Variants in KLF11 observed in about 807,000 individuals in gnomAD.
KLF11 encodes the protein Krueppel-like factor 11.
In KLF11, 26 loss-of-function variants were observed where a neutral mutation model predicts 29.9. The observed-to-expected ratio is 0.87, with a 90% CI of 0.64 to 1.21. The LOEUF (loss-of-function observed/expected upper bound fraction) is 1.21, where lower values mean the gene tolerates loss of function less well. KLF11 is among the 50% of genes most tolerant of loss of function. The probability of loss-of-function intolerance (pLI) is 0.00; values close to 1 mark genes in which losing one functional copy is unlikely to be tolerated. For missense variants in KLF11, 778 were observed against 665.7 expected (o/e 1.17, Z -1.86); for synonymous variants, 318 against 257.4 (o/e 1.24, Z -2.25).
chr2:10,050,251 AC>A (rs1270915174), intron 3 of KLF11, among the ~76,000 whole-genome samples: 1 of 151,916 alleles, frequency 6.6e-6, no homozygotes, highest in Non-Finnish European at 1.5e-5. Flanking sequence ...TACTAAAAAT[AC>A]AAAAATTAGC....
chr2:10,043,553 G>A lies in KLF11; in HGVS notation c.-164G>A. ...GCGGCCGCCCCGCCCCTCCCGCGCC[G>A]CGAGGGCCGCGCCGGGGCAGAGCCG... On this transcript the variant is annotated 5_prime_UTR_variant, in exon 1 of 4. Coordinates refer to ENST00000305883, the MANE Select transcript of KLF11 (RefSeq NM_003597.5). 1 of 294,774 alleles carries A rather than the reference G, an allele frequency of 3.4e-6. No homozygotes were observed. Among genetic ancestry groups the A allele is most frequent in the Non-Finnish European group, 5.0e-6 (1 of 201,932 alleles). The allele number at this position is 294,774 out of a possible 1,614,324, so 18.3% of individuals were successfully genotyped here.
chr2:10,046,810 G>A (rs1174108914), intron 2 of KLF11, among the ~76,000 whole-genome samples: 9 of 152,112 alleles, frequency 5.9e-5, no homozygotes, highest in South Asian at 2.1e-4. Flanking sequence ...AGCCGAGATC[G>A]TGCCACTGCA....
chr2:10,044,063 G>A, intron 1 of KLF11: 1 of 713,106 alleles, frequency 1.4e-6, no homozygotes, highest in Non-Finnish European at 1.7e-6. Flanking sequence ...CCCCGGTCCT[G>A]TGAGCCGGAC....
chr2:10,044,215 C>T (rs1343098645), intron 1 of KLF11: 3 of 911,654 alleles, frequency 3.3e-6, no homozygotes, highest in African/African-American at 2.6e-5. Flanking sequence ...AGCGGTAGTG[C>T]CGCTCGGGCC....
At chr2:10,043,993 T>C (rs1219339077) in intron 1 of KLF11, 1 of 819,550 alleles carries the variant, frequency 1.2e-6, no homozygotes, top group Non-Finnish European at 1.5e-6. Flanking sequence ...CAGCTTTGTC[T>C]TGCGCTTCCT....
At chr2:10,046,758 G>A (rs552088300) in intron 2 of KLF11, among the ~76,000 whole-genome samples, 44 of 152,286 alleles carry the variant, frequency 2.9e-4, no homozygotes, top group African/African-American at 1.1e-3. Context: ...AGGAGTCTGA[G>A]GTAGGAGAAT....
intron 3 of KLF11, among the ~76,000 whole-genome samples, chr2:10,050,548 A>G (rs1362567807): frequency 1.3e-5 from 2 of 152,046 alleles, no homozygotes; most frequent in Admixed American, 1.3e-4. Flanking sequence ...CGTCTCTACT[A>G]AAAATACAAA....
Position 10,048,380 on chromosome 2 carries a change from T to G in KLF11, c.1043T>G (p.Leu348Arg). ...AVMLVLPQGA[L>R]PPPAPCAANV... ...ATGTTGGTCCTGCCCCAGGGAGCCCTCCCTCCGCCTGCCCCCTGTGCAGCC... is the reference window on the plus strand; with the variant it reads ...ATGTTGGTCCTGCCCCAGGGAGCCCGCCCTCCGCCTGCCCCCTGTGCAGCC... The change falls in exon 3 of 4, where the codon CTC becomes CGC. Residue 348 changes from leucine (L) to arginine (R), a missense_variant. By Grantham distance (102) the Leu-to-Arg change is moderately radical. Transcript: ENST00000305883. 1.9e-6 allele frequency: 3 copies of G among 1,612,800 alleles called. No homozygotes were observed. Among genetic ancestry groups the G allele is most frequent in the Non-Finnish European group, 2.5e-6 (3 of 1,178,918 alleles).
chr2:10,047,586 T>C (rs1661248759), intron 2 of KLF11, 64 bp from the exon 3 acceptor site: 1 of 1,295,372 alleles, frequency 7.7e-7, no homozygotes, highest in African/African-American at 1.5e-5. Flanking sequence ...TTGGGAGCAT[T>C]GTGATGAATT....
chr2:10,051,957 G>A (rs982123051), intron 3 of KLF11, among the ~76,000 whole-genome samples: 36 of 152,178 alleles, frequency 2.4e-4, no homozygotes, highest in Admixed American at 2.0e-4. Flanking sequence ...GGTTTGAGCC[G>A]CTGTACTTGT....
chr2:10,047,528 G>A (rs1572439435), intron 2 of KLF11, 122 bp from the exon 3 acceptor site: 1 of 884,596 alleles, frequency 1.1e-6, no homozygotes, highest in East Asian at 2.6e-5. Flanking sequence ...CCACTGGGAT[G>A]TTGAAAACAG....
intron 3 of KLF11, among the ~76,000 whole-genome samples, chr2:10,049,255 T>C (rs1022188941): frequency 1.3e-5 from 2 of 152,236 alleles, no homozygotes; most frequent in African/African-American, 4.8e-5. Flanking sequence ...CCTGAGGAAC[T>C]GAATTTTACA....
Position 10,052,361 on chromosome 2 carries a change from C to T in KLF11, c.1393C>T (p.Arg465Cys), listed in dbSNP as rs200532025. ...VCPVCDRRFM[R>C]SDHLTKHARR... ...CCCGGTGTGTGACCGACGTTTCATG[C>T]GCAGTGACCACCTGACGAAGCATGC... Residue 465 changes from arginine to cysteine, a missense_variant, in exon 4 of 4, where the codon CGC becomes TGC. Arg to Cys is a radical substitution (Grantham distance 180, BLOSUM62 -3). Coordinates refer to ENST00000305883, the MANE Select transcript of KLF11 (RefSeq NM_003597.5). 24 of 1,613,956 alleles carry T rather than the reference C, an allele frequency of 1.5e-5. No homozygotes were observed. Among genetic ancestry groups the T allele is most frequent in the Admixed American group, 3.3e-5 (2 of 59,992 alleles).
Position 10,048,134 on chromosome 2 carries a change from A to G in KLF11, c.797A>G (p.Asn266Ser). The stretch of plus-strand genomic sequence containing the variant: ...ACTTGCTCACCAAAGAATTATGAAA[A>G]TGACCTGCCCAGGAAAACCACCCCT... ...VQTCSPKNYE[N>S]DLPRKTTPLI... The change falls in exon 3 of 4, where the codon AAT becomes AGT. Residue 266 changes from asparagine to serine, a missense_variant. Transcript: ENST00000305883. 1 of 1,614,184 alleles carries G rather than the reference A, an allele frequency of 6.2e-7. No individual in the cohort carries two copies. Among genetic ancestry groups the G allele is most frequent in the Non-Finnish European group, 8.5e-7 (1 of 1,180,026 alleles).
chr2:10,048,181 G>A lies in KLF11; in HGVS notation c.844G>A (p.Ala282Thr). 1 of 1,614,202 alleles carries A rather than the reference G, an allele frequency of 6.2e-7. No individual in the cohort carries two copies. Among genetic ancestry groups the A allele is most frequent in the Non-Finnish European group, 8.5e-7 (1 of 1,180,038 alleles). ...TTPLISVSVP[A>T]PPVLCQMIPV... The stretch of plus-strand genomic sequence containing the variant: ...CCCTCTGATTTCTGTCTCTGTCCCT[G>A]CTCCCCCTGTCCTTTGCCAGATGAT... Residue 282 changes from alanine to threonine, a missense_variant, in exon 3 of 4, where the codon GCT becomes ACT. Transcript: ENST00000305883.
At position 10,053,100 on chromosome 2, in the gene KLF11, T is replaced by C; in HGVS notation, c.*593T>C. ...GTAAGGACCTCTTAAAAGGGAAAAA[T>C]AAATTTTGCCGTCAGCTTCTTCATA... On this transcript the variant is annotated 3_prime_UTR_variant, in exon 4 of 4. Coordinates refer to ENST00000305883, the MANE Select transcript of KLF11 (RefSeq NM_003597.5). 1 of 397,178 alleles carries C rather than the reference T, an allele frequency of 2.5e-6. No individual in the cohort carries two copies. 24.6% of individuals were successfully genotyped at this position (397,178 alleles called of 1,614,324 possible).
rs183232432 is a variant in KLF11, at chr2:10,052,918, C to T, written c.*411C>T. On this transcript the variant is annotated 3_prime_UTR_variant, in exon 4 of 4. Coordinates refer to ENST00000305883, the MANE Select transcript of KLF11 (RefSeq NM_003597.5). ...TTTATATTGTTGGTGCTCAAATCAC[C>T]AATTTCTAGCTAGATCATTTTGCAG... The T allele has an allele frequency of 8.0e-5, 26 of 324,838 alleles. No homozygotes were observed. Among genetic ancestry groups the T allele is most frequent in the African/African-American group, 5.1e-4 (24 of 47,092 alleles). The allele number at this position is 324,838 out of a possible 1,614,324, so 20.1% of individuals were successfully genotyped here. A position where few individuals can be genotyped will look rare whatever the true frequency, so the allele number is the denominator to read the frequency against.
rs149277115 is a variant in KLF11 at position 10,045,164 on chromosome 2, G to A, written c.43-986G>A. ...CTGTCTCAAAAAAACAAGGCCGGGC[G>A]CCTGTAATCCCAGCACTTGGGGAGG... On this transcript the variant is annotated intron_variant, in intron 1 of 3. Coordinates refer to ENST00000305883, the MANE Select transcript of KLF11 (RefSeq NM_003597.5). 6.5e-3 allele frequency among the ~76,000 whole-genome samples: 984 copies of A among 150,612 alleles called. 5 individuals are homozygous for A. Among genetic ancestry groups the A allele is most frequent in the Non-Finnish European group, 0.01 (701 of 67,666 alleles).
chr2:10,048,144 C>T lies in KLF11; in HGVS notation c.807C>T (p.Pro269=). Residue 269 remains proline, a synonymous_variant, in exon 3 of 4, where the codon CCC becomes CCT. Transcript: ENST00000305883. ...CAAAGAATTATGAAAATGACCTGCC[C>T]AGGAAAACCACCCCTCTGATTTCTG... The part of the protein sequence containing the change: ...CSPKNYENDL[P]RKTTPLISVS... The T allele has an allele frequency of 2.5e-6, 4 of 1,614,216 alleles. No individual in the cohort carries two copies. Among genetic ancestry groups the T allele is most frequent in the Non-Finnish European group, 3.4e-6 (4 of 1,180,028 alleles).
Sources: gnomAD v4.1 joint callset for allele counts (sites outside exome capture counted in the v4.1 genomes callset) on GRCh38, gnomAD v4.1.1 for gene constraint, MANE v1.5 for transcripts, NCBI Gene and HGNC (gene_info 2026-07-23, HGNC 2026-07-21) for gene names.